The following DOCK11 variants were observed in gnomAD, a reference collection of about 807,000 sequenced individuals.
DOCK11 encodes the protein dedicator of cytokinesis 11.
DOCK11 carries 70 observed loss-of-function variants against 169.1 expected under a neutral mutation model. The ratio of observed to expected loss-of-function variants is 0.41; its 90% CI spans 0.34 to 0.51. The LOEUF (loss-of-function observed/expected upper bound fraction) is 0.51. DOCK11 is among the 20% of genes least tolerant of loss of function. The probability of loss-of-function intolerance (pLI) is 0.10; values close to 1 mark genes in which losing one functional copy is unlikely to be tolerated. For synonymous variants in DOCK11, 529 were observed against 541.3 expected (o/e 0.98, Z 0.32); for missense variants, 1,166 against 1,538.8 (o/e 0.76, Z 4.05).
chrX:118,617,145 C>G, intron 30 of DOCK11, among the ~76,000 whole-genome samples: 1 of 111,646 alleles, frequency 9.0e-6, no homozygotes, highest in Non-Finnish European at 1.9e-5. Flanking sequence ...CATGGCCTAT[C>G]TAATTAAATA....
In DOCK11 at chrX:118,606,424, G is replaced by C. The variant is rs764718578; in HGVS notation, c.2681+1068G>C. On this transcript the variant is annotated intron_variant, in intron 24 of 52. Coordinates refer to ENST00000276202, the MANE Select transcript of DOCK11 (RefSeq NM_144658.4). The stretch of plus-strand genomic sequence containing the variant: ...TTTTAATCAATTTAAATAGACACAG[G>C]TGACTAGGGATGCATATTTAACAGA... Among the ~76,000 whole-genome samples the C allele has an allele frequency of 2.7e-5, 3 of 112,624 alleles. No homozygotes were observed. In the East Asian group the frequency reaches 8.3e-4, roughly 31 times the overall value.
chrX:118,610,497 C>T lies in DOCK11; in HGVS notation c.3096+79C>T, dbSNP rs983732876. On this transcript the variant is annotated intron_variant, in intron 28 of 52. Transcript: ENST00000276202. Reference sequence around the variant, plus strand: ...GCCCAAGAAAAAAATTAAGCACTTTCTAGAGGCTCAGCTAGGTCTTCATAA... The same window carrying T: ...GCCCAAGAAAAAAATTAAGCACTTTTTAGAGGCTCAGCTAGGTCTTCATAA... 1.1e-5 allele frequency: 12 copies of T among 1,086,661 alleles called. No individual in the cohort carries two copies. The African/African-American group carries it at 1.8e-4, about 17-fold the overall frequency. 89.6% of individuals were successfully genotyped at this position (1,086,661 alleles called of 1,213,427 possible).
intron 45 of DOCK11, among the ~76,000 whole-genome samples, chrX:118,670,424 C>G (rs1343453397): frequency 9.0e-6 from 1 of 111,723 alleles, no homozygotes; most frequent in African/African-American, 3.3e-5. Flanking sequence ...CTGGTGATCT[C>G]TATTTTGAGC....
At chrX:118,573,250 C>A (rs2013334992) in intron 11 of DOCK11, among the ~76,000 whole-genome samples, 1 of 112,668 alleles carries the variant, frequency 8.9e-6, no homozygotes, top group Non-Finnish European at 1.9e-5. Context: ...AAGGGTTAAT[C>A]TTTATGCCAT....
At chrX:118,644,172 T>C (rs2015601023) in intron 40 of DOCK11, among the ~76,000 whole-genome samples, 1 of 111,944 alleles carries the variant, frequency 8.9e-6, no homozygotes, top group Non-Finnish European at 1.9e-5. Context: ...TTTTCTGTGC[T>C]CAGGGGCTTT....
chrX:118,605,953 T>C (rs1417827069), intron 24 of DOCK11, among the ~76,000 whole-genome samples: 1 of 111,867 alleles, frequency 8.9e-6, no homozygotes, highest in African/African-American at 3.2e-5. Context: ...AGAAGATAAA[T>C]ATATAAGTTC....
intron 45 of DOCK11, among the ~76,000 whole-genome samples, chrX:118,665,862 G>A (rs1225797777): frequency 1.8e-5 from 2 of 112,228 alleles, no homozygotes; most frequent in African/African-American, 6.5e-5. Context: ...TTCCAAAAAT[G>A]TATTTCTGAC....
chrX:118,539,828 A>G lies in DOCK11; in HGVS notation c.103-2897A>G, dbSNP rs777506269. Among the ~76,000 whole-genome samples the G allele has an allele frequency of 2.7e-5, 3 of 109,141 alleles. No individual in the cohort carries two copies. The South Asian group carries it at 1.2e-3, about 43-fold the overall frequency. 94.8% of individuals were successfully genotyped at this position (109,141 alleles called of 115,157 possible). On this transcript the variant is annotated intron_variant, in intron 1 of 52. Transcript: ENST00000276202. ...TACTTTGGGAGGTCAAGGCGGGGGG[A>G]TCACCTGAGCTCAGGAGTTCGAGAC... is the stretch of plus-strand genomic sequence containing the variant.
intron 46 of DOCK11, among the ~76,000 whole-genome samples, chrX:118,675,473 T>C (rs773363097): frequency 9.1e-6 from 1 of 110,322 alleles, no homozygotes; most frequent in African/African-American, 3.3e-5. Flanking sequence ...TACATTGTCA[T>C]TGAGGAACAG....
chrX:118,595,851 T>C (rs931936651), intron 20 of DOCK11, among the ~76,000 whole-genome samples: 1 of 111,365 alleles, frequency 9.0e-6, no homozygotes, highest in Non-Finnish European at 1.9e-5. Flanking sequence ...TACAAAAATG[T>C]TGCCTAAGCA....
chrX:118,639,541 C>A lies in DOCK11; in HGVS notation c.4108C>A (p.Leu1370Ile). Reference sequence around the variant, plus strand: ...AGTAATGCAGGCCCGGCTTCAGCATCTTAGTAGCCTAGAAAGTTCATTTAC... The same window carrying A: ...AGTAATGCAGGCCCGGCTTCAGCATATTAGTAGCCTAGAAAGTTCATTTAC... ...SGVMQARLQH[L>I]SSLESSFTLN... The change falls in exon 38 of 53, where the codon CTT becomes ATT. Residue 1370 changes from leucine (L) to isoleucine (I), a missense_variant. Physicochemically the swap from Leu to Ile is conservative, Grantham distance 5. Coordinates refer to ENST00000276202, the MANE Select transcript of DOCK11 (RefSeq NM_144658.4). The A allele has an allele frequency of 8.3e-7, 1 of 1,210,585 alleles. No individual in the cohort carries two copies. Among genetic ancestry groups the A allele is most frequent in the Non-Finnish European group, 1.1e-6 (1 of 894,778 alleles).
At chrX:118,572,699 G>GA (rs984695592) in intron 11 of DOCK11, among the ~76,000 whole-genome samples, 5 of 111,797 alleles carry the variant, frequency 4.5e-5, no homozygotes, top group African/African-American at 1.6e-4. Context: ...TTGACTGTGT[G>GA]AAAATTCCAG....
At chrX:118,606,424 G>A (rs764718578) in intron 24 of DOCK11, among the ~76,000 whole-genome samples, 1 of 112,572 alleles carries the variant, frequency 8.9e-6, no homozygotes, top group African/African-American at 3.2e-5. Flanking sequence ...ATAGACACAG[G>A]TGACTAGGGA....
At chrX:118,605,913 A>C (rs751413677) in intron 24 of DOCK11, among the ~76,000 whole-genome samples, 1 of 110,801 alleles carries the variant, frequency 9.0e-6, no homozygotes, top group Non-Finnish European at 1.9e-5. Context: ...TTCTCCTTTC[A>C]TGTTCGTTAA....
intron 6 of DOCK11, among the ~76,000 whole-genome samples, chrX:118,552,049 A>AAG (rs1311906354): frequency 9.2e-6 from 1 of 108,169 alleles, no homozygotes; most frequent in East Asian, 2.9e-4. Flanking sequence ...AAAAAAAAAA[A>AAG]AAAGGGAGGG....
At chrX:118,522,820 G>A (rs2011293444) in intron 1 of DOCK11, among the ~76,000 whole-genome samples, 1 of 111,718 alleles carries the variant, frequency 9.0e-6, no homozygotes, top group Non-Finnish European at 1.9e-5. Context: ...CCTAATCAGG[G>A]TAGGGATATC....
At position 118,546,126 on chromosome X, in the gene DOCK11, A is replaced by G. The variant is rs774057053; in HGVS notation, c.558+10A>G. On this transcript the variant is annotated intron_variant, in intron 6 of 52. Coordinates refer to ENST00000276202, the MANE Select transcript of DOCK11 (RefSeq NM_144658.4). ...CACAGTAACCATGAAGGTAGGAAGT[A>G]GTTATTATATTATTCCATCATTTTA... 1.6e-5 allele frequency: 16 copies of G among 1,020,584 alleles called. No homozygotes were observed. The allele number at this position is 1,020,584 out of a possible 1,213,427, so 84.1% of individuals were successfully genotyped here. A position where few individuals can be genotyped will look rare whatever the true frequency, so the allele number is the denominator to read the frequency against.
chrX:118,639,177 G>T (rs1296625321), intron 37 of DOCK11, among the ~76,000 whole-genome samples: 1 of 111,670 alleles, frequency 9.0e-6, no homozygotes, highest in African/African-American at 3.3e-5. Flanking sequence ...AAATCTTATT[G>T]GAGTGTTGGC....
chrX:118,592,733 A>G (rs1282195596), intron 19 of DOCK11, among the ~76,000 whole-genome samples: 1 of 112,457 alleles, frequency 8.9e-6, no homozygotes, highest in East Asian at 2.8e-4. Flanking sequence ...AAATTTCTAT[A>G]AACTATAATT....
Sources: gnomAD v4.1 joint callset for allele counts (sites outside exome capture counted in the v4.1 genomes callset) on GRCh38, gnomAD v4.1.1 for gene constraint, MANE v1.5 for transcripts, NCBI Gene and HGNC (gene_info 2026-07-23, HGNC 2026-07-21) for gene names.